The following DPYD variants were observed in gnomAD, a reference collection of about 807,000 sequenced individuals.
DPYD encodes dihydropyrimidine dehydrogenase, also known as dihydropyrimidine dehydrogenase [NADP(+)].
DPYD carries 109 observed loss-of-function variants against 116.2 expected under a neutral mutation model. The ratio of observed to expected loss-of-function variants is 0.94; its 90% CI spans 0.80 to 1.10. The LOEUF is 1.10. Ranked by LOEUF, DPYD falls within the 50% of genes least tolerant of loss-of-function variation. The pLI is 0.00. For missense variants in DPYD, 1,302 were observed against 1,254.5 expected (o/e 1.04, Z -0.57); for synonymous variants, 440 against 432.0 (o/e 1.02, Z -0.23).
At chr1:97,132,233 C>T (rs1653395996) in intron 20 of DPYD, among the ~76,000 whole-genome samples, 1 of 152,156 alleles carries the variant, frequency 6.6e-6, no homozygotes, top group African/African-American at 2.4e-5. Flanking sequence ...CCAACAGGAA[C>T]ATCGTTCCTG....
intron 16 of DPYD, among the ~76,000 whole-genome samples, chr1:97,323,872 C>A (rs1301104846): frequency 6.6e-6 from 1 of 151,800 alleles, no homozygotes; most frequent in South Asian, 2.1e-4. Context: ...ATTGGTAGGA[C>A]ACAGGAACTA....
intron 2 of DPYD, among the ~76,000 whole-genome samples, chr1:97,881,441 A>G (rs1235250773): frequency 6.6e-6 from 1 of 152,038 alleles, no homozygotes; most frequent in East Asian, 1.9e-4. Flanking sequence ...ATCCGTAGGT[A>G]TAAATAGCAT....
rs543919193 is a variant in DPYD, at chr1:97,395,708, C to T, written c.1906-13247G>A. On this transcript the variant is annotated intron_variant, in intron 14 of 22. Transcript: ENST00000370192. ...TATCTACCCAACCTTTGGGTGTGCG[C>T]TGATTTTGTGACTTGTTTTAATCAG... 2.9e-4 allele frequency among the ~76,000 whole-genome samples: 44 copies of T among 152,138 alleles called. No individual in the cohort carries two copies. In the East Asian group the frequency reaches 4.8e-3, roughly 17 times the overall value.
At chr1:97,882,036 T>A (rs1672251971) in intron 2 of DPYD, among the ~76,000 whole-genome samples, 1 of 151,584 alleles carries the variant, frequency 6.6e-6, no homozygotes, top group South Asian at 2.1e-4. Context: ...AAAAAAACTA[T>A]AATAAAAAAA....
At chr1:97,539,536 A>T (rs1650271258) in intron 12 of DPYD, among the ~76,000 whole-genome samples, 1 of 152,174 alleles carries the variant, frequency 6.6e-6, no homozygotes, top group Non-Finnish European at 1.5e-5. Flanking sequence ...AGCAACATGT[A>T]CATTTAGTTG....
chr1:97,331,796 T>A (rs2101163634), intron 16 of DPYD, among the ~76,000 whole-genome samples: 1 of 152,288 alleles, frequency 6.6e-6, no homozygotes, highest in African/African-American at 2.4e-5. Flanking sequence ...CAGACATGGA[T>A]ACAGGATAAT....
chr1:97,526,647 G>C (rs183989172), intron 12 of DPYD, among the ~76,000 whole-genome samples: 3 of 152,054 alleles, frequency 2.0e-5, no homozygotes, highest in Admixed American at 2.0e-4. Flanking sequence ...ATTGTGTTAG[G>C]TGTCTATTTT....
chr1:97,595,301 T>A, intron 8 of DPYD, 135 bp from the exon 9 acceptor site: 1 of 671,668 alleles, frequency 1.5e-6, no homozygotes, highest in Non-Finnish European at 2.6e-6. Flanking sequence ...CAAATCAATA[T>A]AAAATGTACA....
chr1:97,376,919 C>T (rs72728430), intron 15 of DPYD, among the ~76,000 whole-genome samples: 8,082 of 119,196 alleles, frequency 0.068, 331 homozygotes, highest in Middle Eastern at 0.11. Flanking sequence ...GACTCTGAGC[C>T]AAACTATAGG....
intron 19 of DPYD, among the ~76,000 whole-genome samples, chr1:97,210,303 A>G (rs1271462862): frequency 6.6e-6 from 1 of 152,108 alleles, no homozygotes; most frequent in South Asian, 2.1e-4. Flanking sequence ...TTTATTTTAA[A>G]ATGTACATTT....
chr1:97,113,863 G>C (rs1310851240), intron 20 of DPYD, among the ~76,000 whole-genome samples: 2 of 151,986 alleles, frequency 1.3e-5, no homozygotes, highest in Non-Finnish European at 2.9e-5. Context: ...ATAATCAATT[G>C]TAAGACAAAC....
At chr1:97,757,575 C>T (rs1354851375) in intron 3 of DPYD, among the ~76,000 whole-genome samples, 1 of 152,104 alleles carries the variant, frequency 6.6e-6, no homozygotes, top group Admixed American at 6.6e-5. Context: ...CATTGTTTGG[C>T]TTTTGAGGAT....
At chr1:97,465,670 T>C (rs1336691375) in intron 13 of DPYD, among the ~76,000 whole-genome samples, 1 of 152,192 alleles carries the variant, frequency 6.6e-6, no homozygotes, top group Non-Finnish European at 1.5e-5. Flanking sequence ...TCTGCTATGA[T>C]TGTGAAGCCT....
intron 16 of DPYD, among the ~76,000 whole-genome samples, chr1:97,320,348 C>T (rs1021688306): frequency 1.0e-5 from 1 of 97,564 alleles, no homozygotes; most frequent in Non-Finnish European, 2.2e-5. Context: ...CGTCTCAGCC[C>T]AAAATCTCCT....
chr1:97,161,332 G>A (rs1655880802), intron 20 of DPYD, among the ~76,000 whole-genome samples: 1 of 152,032 alleles, frequency 6.6e-6, no homozygotes, highest in Non-Finnish European at 1.5e-5. Flanking sequence ...TGGAAACTCT[G>A]TGGGGCAATG....
chr1:97,615,220 C>A (rs949837638), intron 8 of DPYD, among the ~76,000 whole-genome samples: 4 of 152,094 alleles, frequency 2.6e-5, no homozygotes, highest in Non-Finnish European at 5.9e-5. Flanking sequence ...GGGCTAGTAA[C>A]ACAACAAATT....
intron 13 of DPYD, among the ~76,000 whole-genome samples, chr1:97,499,275 T>C (rs935780460): frequency 9.2e-5 from 14 of 151,934 alleles, no homozygotes; most frequent in Middle Eastern, 3.4e-3. Flanking sequence ...ATAATTTGTT[T>C]ATGAAGTCTT....
intron 1 of DPYD, among the ~76,000 whole-genome samples, chr1:97,890,325 T>A (rs1188459100): frequency 6.6e-5 from 10 of 151,978 alleles, no homozygotes; most frequent in Non-Finnish European, 2.9e-5. Context: ...TCAGTCGATT[T>A]AGCCATATAC....
intron 2 of DPYD, among the ~76,000 whole-genome samples, chr1:97,837,979 TTTC>T (rs1229362758): frequency 6.6e-6 from 1 of 152,150 alleles, no homozygotes; most frequent in Non-Finnish European, 1.5e-5. Context: ...ATTTTCTATA[TTTC>T]TTATTAAGTA....
Sources: allele counts gnomAD v4.1 joint callset (sites outside exome capture counted in the v4.1 genomes callset), GRCh38; gene constraint gnomAD v4.1.1; transcripts MANE v1.5; gene names NCBI Gene and HGNC (gene_info 2026-07-23, HGNC 2026-07-21).